The following KCNIP4 variants were observed in gnomAD, a reference collection of about 807,000 sequenced individuals.
The protein encoded by KCNIP4 is potassium voltage-gated channel interacting protein 4.
Under a neutral mutation model 34.0 loss-of-function variants are expected in KCNIP4, and 12 were observed. That is an observed-to-expected ratio of 0.35 (90% CI 0.23 to 0.57). The LOEUF is 0.57. Ranked by LOEUF, KCNIP4 falls within the 20% of genes least tolerant of loss-of-function variation. The pLI, the probability that KCNIP4 is intolerant of heterozygous loss-of-function variation, is 0.83. For missense variants in KCNIP4, 238 were observed against 311.7 expected, an observed-to-expected ratio of 0.76 and a Z score of 1.78; for synonymous variants, 124 against 102.2, an observed-to-expected ratio of 1.21 and a Z score of -1.29.
At chr4:21,065,746 ATATATATATATATATATAT>A (rs1468426569) in intron 1 of KCNIP4, among the ~76,000 whole-genome samples, 5 of 142,834 alleles carry the variant, frequency 3.5e-5, no homozygotes, top group African/African-American at 1.3e-4. Flanking sequence ...ATATATATAT[ATATATATATATATATATAT>A]AACTCAATTT....
chr4:21,783,559 A>C (rs1377873459), intron 1 of KCNIP4, among the ~76,000 whole-genome samples: 2 of 152,214 alleles, frequency 1.3e-5, no homozygotes, highest in Admixed American at 1.3e-4. Context: ...ATTAGTAATA[A>C]GTACATTTAA....
At chr4:21,623,133 A>G (rs1185425111) in intron 1 of KCNIP4, among the ~76,000 whole-genome samples, 1 of 152,224 alleles carries the variant, frequency 6.6e-6, no homozygotes, top group Non-Finnish European at 1.5e-5. Flanking sequence ...ATTTGAAATC[A>G]TAATATCATA....
chr4:20,919,105 G>A (rs559036297), intron 1 of KCNIP4, among the ~76,000 whole-genome samples: 9 of 152,144 alleles, frequency 5.9e-5, no homozygotes, highest in African/African-American at 1.9e-4. Context: ...GAGAGGAAAA[G>A]ATTATAATAG....
At chr4:21,047,563 G>A (rs1274964107) in intron 1 of KCNIP4, among the ~76,000 whole-genome samples, 5 of 152,244 alleles carry the variant, frequency 3.3e-5, no homozygotes, top group Non-Finnish European at 1.5e-5. Flanking sequence ...GAAAGCAGAA[G>A]AGCCAAGTTT....
intron 1 of KCNIP4, among the ~76,000 whole-genome samples, chr4:21,752,587 G>GA (rs1005192892): frequency 1.3e-5 from 2 of 151,020 alleles, no homozygotes; most frequent in Non-Finnish European, 3.0e-5. Context: ...ACTAGAGGAA[G>GA]AAAAAAAAGG....
At chr4:21,585,923 T>A (rs1015511081) in intron 1 of KCNIP4, among the ~76,000 whole-genome samples, 6 of 152,086 alleles carry the variant, frequency 3.9e-5, no homozygotes, top group African/African-American at 1.4e-4. Context: ...CAAAGAATAC[T>A]CATTGATAAA....
intron 1 of KCNIP4, among the ~76,000 whole-genome samples, chr4:21,866,920 C>T (rs774450431): frequency 8.4e-4 from 127 of 151,942 alleles, no homozygotes; most frequent in Admixed American, 2.0e-3. Flanking sequence ...TACAGGTGCC[C>T]GCCACCATGC....
chr4:20,920,295 C>T (rs376657280), intron 1 of KCNIP4, among the ~76,000 whole-genome samples: 4 of 151,974 alleles, frequency 2.6e-5, no homozygotes, highest in East Asian at 1.9e-4. Flanking sequence ...ACAGCCCTGC[C>T]GATATGGACT....
At chr4:20,950,903 C>T (rs1296730621) in intron 1 of KCNIP4, among the ~76,000 whole-genome samples, 1 of 152,090 alleles carries the variant, frequency 6.6e-6, no homozygotes, top group Non-Finnish European at 1.5e-5. Flanking sequence ...TTAAAATACG[C>T]TCTTTCACAG....
chr4:21,337,891 A>G (rs1716334169), intron 1 of KCNIP4, among the ~76,000 whole-genome samples: 1 of 152,140 alleles, frequency 6.6e-6, no homozygotes, highest in Admixed American at 6.5e-5. Flanking sequence ...GTAATAAAAT[A>G]CCTAAATCAA....
At chr4:20,963,650 A>G (rs1734073097) in intron 1 of KCNIP4, among the ~76,000 whole-genome samples, 1 of 152,170 alleles carries the variant, frequency 6.6e-6, no homozygotes, top group South Asian at 2.1e-4. Context: ...AAGTAAAAAG[A>G]AATTAGGAGA....
intron 1 of KCNIP4, chr4:21,852,308 G>A (rs1724462513): frequency 6.6e-6 from 1 of 152,036 alleles, no homozygotes; most frequent in Non-Finnish European, 1.5e-5. Flanking sequence ...AATAAATATT[G>A]TCAATAAAGC....
chr4:21,571,015 C>T (rs779574245), intron 1 of KCNIP4, among the ~76,000 whole-genome samples: 9 of 152,122 alleles, frequency 5.9e-5, no homozygotes, highest in Non-Finnish European at 1.0e-4. Context: ...CATGCTTCTC[C>T]GTTTGAGAAA....
rs185954418 is a variant in KCNIP4, at chr4:20,766,529, A to G, written c.289-7639T>C. Among the ~76,000 whole-genome samples the G allele has an allele frequency of 2.1e-4, 32 of 152,268 alleles. 1 individual carries two copies. Among genetic ancestry groups the G allele is most frequent in the African/African-American group, 7.5e-4 (31 of 41,562 alleles). The stretch of plus-strand genomic sequence containing the variant: ...TGCAGTGAGCCGAGATCACGCCACT[A>G]TACTCCAGCCTGGGTGACAGAGCAA... On this transcript the variant is annotated intron_variant, in intron 3 of 8. Transcript: ENST00000382152.
intron 1 of KCNIP4, among the ~76,000 whole-genome samples, chr4:21,512,619 T>C (rs965545293): frequency 6.6e-6 from 1 of 152,166 alleles, no homozygotes; most frequent in Admixed American, 6.6e-5. Flanking sequence ...AGAGATATTC[T>C]CAACACATAT....
At chr4:21,408,902 A>G (rs1358119797) in intron 1 of KCNIP4, among the ~76,000 whole-genome samples, 2 of 152,188 alleles carry the variant, frequency 1.3e-5, no homozygotes, top group Non-Finnish European at 2.9e-5. Flanking sequence ...CAAACCAGTG[A>G]CATCCCAAAT....
At chr4:21,563,295 T>A (rs1314002152) in intron 1 of KCNIP4, among the ~76,000 whole-genome samples, 1 of 152,122 alleles carries the variant, frequency 6.6e-6, no homozygotes, top group Non-Finnish European at 1.5e-5. Context: ...GTTTGAAGCA[T>A]TTCTCCAAAA....
chr4:21,319,794 G>A (rs549073910), intron 1 of KCNIP4, among the ~76,000 whole-genome samples: 1 of 152,236 alleles, frequency 6.6e-6, no homozygotes, highest in South Asian at 2.1e-4. Context: ...GAATCCTTTA[G>A]GGTGTGTTTT....
At chr4:21,825,679 A>T (rs1722638982) in intron 1 of KCNIP4, among the ~76,000 whole-genome samples, 1 of 152,170 alleles carries the variant, frequency 6.6e-6, no homozygotes, top group Non-Finnish European at 1.5e-5. Context: ...TCCACTATTT[A>T]GTTTTATTCA....
Sources: gnomAD v4.1 joint callset for allele counts (sites outside exome capture counted in the v4.1 genomes callset) on GRCh38, gnomAD v4.1.1 for gene constraint, MANE v1.5 for transcripts, NCBI Gene and HGNC (gene_info 2026-07-23, HGNC 2026-07-21) for gene names.